The following RPS6KC1 variants were observed in gnomAD, a reference collection of about 807,000 sequenced individuals.
RPS6KC1 encodes inactive ribosomal protein S6 kinase delta-1.
RPS6KC1 carries 54 observed loss-of-function variants against 103.8 expected under a neutral mutation model. The observed-to-expected ratio is 0.52, with a 90% confidence interval of 0.42 to 0.65. The LOEUF is 0.65. RPS6KC1 is among the 30% of genes least tolerant of loss of function. The probability of loss-of-function intolerance (pLI) is 0.00; values close to 1 mark genes in which losing one functional copy is unlikely to be tolerated. For missense variants in RPS6KC1, 1,151 were observed against 1,253.8 expected, an observed-to-expected ratio of 0.92 and a Z score of 1.24; for synonymous variants, 439 against 438.7, an observed-to-expected ratio of 1.00 and a Z score of -0.01.
chr1:213,216,897 TA>T (rs1348424714), intron 8 of RPS6KC1, among the ~76,000 whole-genome samples: 1 of 151,982 alleles, frequency 6.6e-6, no homozygotes, highest in Admixed American at 6.6e-5. Context: ...TTTATAGCAC[TA>T]AATGCCCACA....
At chr1:213,750,465 C>T in the RPS6KC1 span, among the ~76,000 whole-genome samples, 34 of 152,198 alleles carry the variant, frequency 2.2e-4, no homozygotes, top group African/African-American at 5.5e-4. Flanking sequence ...CTGGAAGGGA[C>T]GTTGGGAGGT....
chr1:213,354,308 T>G, the RPS6KC1 span, among the ~76,000 whole-genome samples: 1 of 152,360 alleles, frequency 6.6e-6, no homozygotes, highest in African/African-American at 2.4e-5. Context: ...TGAGTGCTCA[T>G]AGGTGATGAT....
chr1:213,215,440 T>C (rs1002364484), intron 8 of RPS6KC1, among the ~76,000 whole-genome samples: 2 of 152,210 alleles, frequency 1.3e-5, no homozygotes, highest in Non-Finnish European at 2.9e-5. Flanking sequence ...TGGAACCAAG[T>C]TGGAAAACAC....
intron 1 of RPS6KC1, among the ~76,000 whole-genome samples, chr1:213,061,976 C>T (rs1339991877): frequency 1.3e-5 from 2 of 152,152 alleles, no homozygotes; most frequent in Non-Finnish European, 2.9e-5. Flanking sequence ...GATTACAATA[C>T]TTTGCTTATA....
At chr1:213,486,528 G>T in the RPS6KC1 span, among the ~76,000 whole-genome samples, 1 of 142,116 alleles carries the variant, frequency 7.0e-6, no homozygotes, top group African/African-American at 2.4e-5. Flanking sequence ...GACCTGACAG[G>T]CAAAGAAAGG....
intron 3 of RPS6KC1, among the ~76,000 whole-genome samples, chr1:213,089,437 A>G (rs191822272): frequency 2.4e-3 from 349 of 146,380 alleles, no homozygotes; most frequent in African/African-American, 8.5e-3. Flanking sequence ...TGCAACTACT[A>G]CCTCTTTTGA....
intron 6 of RPS6KC1, among the ~76,000 whole-genome samples, chr1:213,154,960 G>C (rs1355593249): frequency 6.6e-6 from 1 of 152,214 alleles, no homozygotes; most frequent in African/African-American, 2.4e-5. Context: ...GGGCTCTTTA[G>C]TTAGCAGGTG....
chr1:213,168,298 AT>A lies in RPS6KC1; in HGVS notation c.951+327del, dbSNP rs1025232812. 5.2e-4 allele frequency among the ~76,000 whole-genome samples: 79 copies of A among 152,278 alleles called. 1 individual carries two copies. Among genetic ancestry groups the A allele is most frequent in the African/African-American group, 1.9e-3 (78 of 41,552 alleles). ...AAAGTTAGATTGTGATTCTTGTATA[AT>A]TGTTCTCCAGTTTTATTGATTCATG... On this transcript the variant is annotated intron_variant, in intron 7 of 14. Coordinates refer to ENST00000366960, the MANE Select transcript of RPS6KC1 (RefSeq NM_012424.6).
At chr1:213,572,527 A>G in the RPS6KC1 span, among the ~76,000 whole-genome samples, 1 of 152,370 alleles carries the variant, frequency 6.6e-6, no homozygotes, top group South Asian at 2.1e-4. Flanking sequence ...TTGAAATGAA[A>G]CACATTTTAA....
chr1:213,724,180 T>G, the RPS6KC1 span, among the ~76,000 whole-genome samples: 1 of 152,176 alleles, frequency 6.6e-6, no homozygotes, highest in African/African-American at 2.4e-5. Context: ...CTCTGCCTCC[T>G]GGGTTGAAGT....
At chr1:213,460,531 C>A in the RPS6KC1 span, among the ~76,000 whole-genome samples, 1 of 151,372 alleles carries the variant, frequency 6.6e-6, no homozygotes, top group African/African-American at 2.4e-5. Context: ...TGGGTCTTGA[C>A]TCTTTATCCA....
chr1:213,335,314 G>A, the RPS6KC1 span, among the ~76,000 whole-genome samples: 6 of 152,232 alleles, frequency 3.9e-5, no homozygotes, highest in South Asian at 2.1e-4. Context: ...CTGGGGCTGC[G>A]AGTGGCAGAA....
the RPS6KC1 span, among the ~76,000 whole-genome samples, chr1:213,780,109 A>G: frequency 6.6e-6 from 1 of 152,232 alleles, no homozygotes; most frequent in Non-Finnish European, 1.5e-5. Context: ...AGAGGCAGTA[A>G]AGAATTTTTC....
chr1:213,314,136 C>T, the RPS6KC1 span, among the ~76,000 whole-genome samples: 1 of 152,012 alleles, frequency 6.6e-6, no homozygotes, highest in Admixed American at 6.5e-5. Flanking sequence ...TGAGGCTGCA[C>T]ACTCCCACCT....
chr1:213,094,842 T>TA (rs1420171040), intron 3 of RPS6KC1, among the ~76,000 whole-genome samples: 2 of 152,168 alleles, frequency 1.3e-5, no homozygotes, highest in Non-Finnish European at 2.9e-5. Context: ...GACAAAAACA[T>TA]AAACATTGTT....
At chr1:213,109,831 G>GTT (rs1281196785) in intron 4 of RPS6KC1, among the ~76,000 whole-genome samples, 1 of 143,444 alleles carries the variant, frequency 7.0e-6, no homozygotes. Context: ...TAGGTGGGAA[G>GTT]TTTTTTTTTT....
At chr1:213,148,573 G>A (rs2088180373) in intron 6 of RPS6KC1, among the ~76,000 whole-genome samples, 1 of 152,102 alleles carries the variant, frequency 6.6e-6, no homozygotes, top group South Asian at 2.1e-4. Flanking sequence ...GTTGAATTCA[G>A]TTTGTTAGTA....
the RPS6KC1 span, among the ~76,000 whole-genome samples, chr1:213,339,909 C>G: frequency 6.6e-6 from 1 of 151,662 alleles, no homozygotes; most frequent in Admixed American, 6.6e-5. Flanking sequence ...TTTTTTCTCT[C>G]AAGACGGAGT....
At chr1:213,581,031 T>A in the RPS6KC1 span, among the ~76,000 whole-genome samples, 4 of 152,086 alleles carry the variant, frequency 2.6e-5, 1 homozygote. Flanking sequence ...GACCTGAGCG[T>A]ATTTTGTAAA....
Sources: gnomAD v4.1 joint callset for allele counts (sites outside exome capture counted in the v4.1 genomes callset) on GRCh38, gnomAD v4.1.1 for gene constraint, MANE v1.5 for transcripts, NCBI Gene and HGNC (gene_info 2026-07-23, HGNC 2026-07-21) for gene names.